Variants in WWOX observed in about 807,000 individuals in gnomAD.
WWOX encodes the protein WW domain containing oxidoreductase.
WWOX carries 69 observed loss-of-function variants against 46.2 expected under a neutral mutation model. That is an observed-to-expected ratio of 1.49 (90% confidence interval 1.23 to 1.82). WWOX has a LOEUF of 1.82. WWOX is among the 40% of genes most tolerant of loss of function. The pLI, the probability that WWOX is intolerant of heterozygous loss-of-function variation, is 0.00. For missense variants in WWOX, 919 were observed against 542.6 expected, an observed-to-expected ratio of 1.69 and a Z score of -6.89; for synonymous variants, 359 against 202.6, an observed-to-expected ratio of 1.77 and a Z score of -6.56.
At chr16:78,835,656 C>G (rs1047449606) in intron 8 of WWOX, among the ~76,000 whole-genome samples, 6 of 152,218 alleles carry the variant, frequency 3.9e-5, no homozygotes, top group Non-Finnish European at 7.3e-5. Flanking sequence ...TGCGACGTGA[C>G]TTGCCTAAGA....
intron 5 of WWOX, among the ~76,000 whole-genome samples, chr16:78,328,055 G>T (rs888019911): frequency 6.6e-6 from 1 of 151,872 alleles, no homozygotes; most frequent in African/African-American, 2.4e-5. Context: ...TGTATTTTTA[G>T]TAGAGATGAC....
chr16:78,615,942 G>A (rs1379789320), intron 8 of WWOX, among the ~76,000 whole-genome samples: 1 of 152,050 alleles, frequency 6.6e-6, no homozygotes, highest in African/African-American at 2.4e-5. Flanking sequence ...AGTAGAGACA[G>A]GGTTTCACTG....
intron 5 of WWOX, among the ~76,000 whole-genome samples, chr16:78,352,830 A>T (rs1248561956): frequency 6.6e-6 from 1 of 152,228 alleles, no homozygotes; most frequent in Non-Finnish European, 1.5e-5. Context: ...TGTATAGCAG[A>T]GTTAGATAGA....
At chr16:79,026,781 C>CT (rs2047652270) in intron 8 of WWOX, among the ~76,000 whole-genome samples, 2 of 49,914 alleles carry the variant, frequency 4.0e-5, no homozygotes, top group Admixed American at 3.2e-4. Context: ...CCACGCCCGG[C>CT]TAATTTTTTT....
intron 8 of WWOX, among the ~76,000 whole-genome samples, chr16:78,854,909 T>G (rs76610132): frequency 6.9e-6 from 1 of 145,462 alleles, no homozygotes; most frequent in Admixed American, 6.9e-5. Flanking sequence ...ACAGCAGCTT[T>G]TTTTTTTTTT....
At chr16:78,369,595 A>G (rs2081619086) in intron 5 of WWOX, among the ~76,000 whole-genome samples, 1 of 151,984 alleles carries the variant, frequency 6.6e-6, no homozygotes. Context: ...ATTTCTCATT[A>G]ATGTCTGGGC....
chr16:78,522,595 T>A (rs2043372961), intron 8 of WWOX, among the ~76,000 whole-genome samples: 1 of 152,256 alleles, frequency 6.6e-6, no homozygotes, highest in African/African-American at 2.4e-5. Flanking sequence ...GCTCAGTTCC[T>A]GTTTTTGATT....
chr16:78,215,251 C>G (rs2036681748), intron 5 of WWOX, among the ~76,000 whole-genome samples: 1 of 152,178 alleles, frequency 6.6e-6, no homozygotes, highest in Non-Finnish European at 1.5e-5. Flanking sequence ...AGTGTTTCCT[C>G]TTTGTTAATC....
chr16:78,658,203 G>T (rs1460123488), intron 8 of WWOX, among the ~76,000 whole-genome samples: 3 of 152,132 alleles, frequency 2.0e-5, no homozygotes, highest in Non-Finnish European at 4.4e-5. Flanking sequence ...AATCACCCCT[G>T]GATGAGAACC....
At chr16:79,163,701 G>C (rs148828745) in intron 8 of WWOX, among the ~76,000 whole-genome samples, 184 of 151,608 alleles carry the variant, frequency 1.2e-3, no homozygotes, top group African/African-American at 4.0e-3. Flanking sequence ...TTGAGGCTGA[G>C]GCAGGAGAAT....
intron 8 of WWOX, among the ~76,000 whole-genome samples, chr16:78,753,801 C>CAAAAAAAAAA (rs869066028): frequency 6.9e-5 from 2 of 29,140 alleles, no homozygotes; most frequent in African/African-American, 1.4e-4. Flanking sequence ...GACCCTATAT[C>CAAAAAAAAAA]AAAAAAAAAA....
intron 8 of WWOX, among the ~76,000 whole-genome samples, chr16:79,150,795 C>T (rs375006405): frequency 6.6e-6 from 1 of 152,162 alleles, no homozygotes; most frequent in African/African-American, 2.4e-5. Flanking sequence ...GCGTGTGTCA[C>T]TGCATCCAGC....
At chr16:79,204,100 T>A (rs1385851350) in intron 8 of WWOX, 1 of 152,060 alleles carries the variant, frequency 6.6e-6, no homozygotes, top group Non-Finnish European at 1.5e-5. Flanking sequence ...TCTATGGCAC[T>A]TCTGCTTGGC....
intron 8 of WWOX, among the ~76,000 whole-genome samples, chr16:78,948,608 C>G (rs902695826): frequency 6.6e-6 from 1 of 151,974 alleles, no homozygotes; most frequent in African/African-American, 2.4e-5. Flanking sequence ...TGTGGTCCTG[C>G]TTGTCTGAAG....
At chr16:78,473,080 A>T (rs2084266566) in intron 8 of WWOX, among the ~76,000 whole-genome samples, 1 of 152,198 alleles carries the variant, frequency 6.6e-6, no homozygotes, top group East Asian at 1.9e-4. Flanking sequence ...TTTAAACTTG[A>T]GTGTCCTTAA....
intron 5 of WWOX, among the ~76,000 whole-genome samples, chr16:78,200,000 C>G (rs1245851248): frequency 1.3e-5 from 2 of 152,178 alleles, no homozygotes; most frequent in Non-Finnish European, 2.9e-5. Context: ...GTAGAAATCA[C>G]CAAGGACCTG....
intron 5 of WWOX, among the ~76,000 whole-genome samples, chr16:78,359,673 A>G (rs1465444791): frequency 1.3e-5 from 2 of 152,232 alleles, no homozygotes; most frequent in African/African-American, 4.8e-5. Flanking sequence ...TTAAAAAAAT[A>G]AATTTTCATT....
rs1387343055 is a variant in WWOX at position 78,399,654 on chromosome 16, G to C, written c.605+12706G>C. Among the ~76,000 whole-genome samples the C allele has an allele frequency of 3.9e-5, 6 of 152,272 alleles. 1 individual carries two copies. Among genetic ancestry groups the C allele is most frequent in the African/African-American group, 1.4e-4 (6 of 41,552 alleles). On this transcript the variant is annotated intron_variant, in intron 6 of 8. Coordinates refer to ENST00000566780, the MANE Select transcript of WWOX (RefSeq NM_016373.4). The stretch of plus-strand genomic sequence containing the variant: ...ATTTGGTTACTCTCAGAGAACTCTC[G>C]ATTTATATAAGACTTGGAAAAAGGG...
intron 8 of WWOX, among the ~76,000 whole-genome samples, chr16:78,826,221 C>T (rs1009164738): frequency 2.6e-5 from 4 of 152,176 alleles, no homozygotes; most frequent in Admixed American, 6.5e-5. Context: ...CTGGCGTGCC[C>T]TGTAATCACA....
Sources: gnomAD v4.1 joint callset for allele counts (sites outside exome capture counted in the v4.1 genomes callset) on GRCh38, gnomAD v4.1.1 for gene constraint, MANE v1.5 for transcripts, NCBI Gene and HGNC (gene_info 2026-07-23, HGNC 2026-07-21) for gene names.